PIP4P2: variants seen among roughly 807,000 people sequenced by gnomAD.
PIP4P2 encodes the protein type 2 phosphatidylinositol 4,5-bisphosphate 4-phosphatase.
A neutral mutation model predicts 33.3 loss-of-function variants in PIP4P2; 19 were observed. That is an observed-to-expected ratio of 0.57 (90% CI 0.40 to 0.84). The LOEUF (loss-of-function observed/expected upper bound fraction) is 0.84. Ranked by LOEUF, PIP4P2 falls within the 40% of genes least tolerant of loss-of-function variation. PIP4P2 has a pLI of 0.00. For synonymous variants in PIP4P2, 110 were observed against 111.9 expected (o/e 0.98, Z 0.11); for missense variants, 270 against 324.7 (o/e 0.83, Z 1.29).
chr8:91,008,181 G>A (rs772351354), intron 5 of PIP4P2, among the ~76,000 whole-genome samples: 23 of 151,776 alleles, frequency 1.5e-4, no homozygotes, highest in Non-Finnish European at 3.1e-4. Flanking sequence ...CCCCAACACA[G>A]ATGCTATAAA....
chr8:91,036,451 C>T (rs1404532303), intron 1 of PIP4P2, among the ~76,000 whole-genome samples: 2 of 152,118 alleles, frequency 1.3e-5, no homozygotes, highest in Non-Finnish European at 2.9e-5. Flanking sequence ...GTTGCATAGC[C>T]AGAATTCTAG....
At chr8:91,013,348 G>A (rs1432298277) in intron 4 of PIP4P2, among the ~76,000 whole-genome samples, 2 of 152,112 alleles carry the variant, frequency 1.3e-5, no homozygotes, top group Non-Finnish European at 2.9e-5. Flanking sequence ...AGCTGTAGAA[G>A]GGAGATCTCC....
In PIP4P2 at chr8:90,996,637, C is replaced by T; in HGVS notation, c.630+17G>A. ...AGTTGAGAGGACAGAATTCTAACAT[C>T]AAAGTGTAACACTCACAGTTAACCC... is the stretch of plus-strand genomic sequence containing the variant. On this transcript the variant is annotated intron_variant, in intron 6 of 6. Transcript: ENST00000285419. 1 of 1,592,246 alleles carries T rather than the reference C, an allele frequency of 6.3e-7. No homozygotes were observed. The highest frequency in any genetic ancestry group is 8.6e-7 in the Non-Finnish European group (1 of 1,167,036).
chr8:91,010,936 C>A (rs1811827572), intron 4 of PIP4P2, among the ~76,000 whole-genome samples: 1 of 127,812 alleles, frequency 7.8e-6, no homozygotes, highest in Admixed American at 8.7e-5. Context: ...ATATATTTTG[C>A]AACTAATCTT....
At chr8:91,008,862 T>A (rs1811795129) in intron 4 of PIP4P2, 67 bp from the exon 5 acceptor site, 1 of 1,356,754 alleles carries the variant, frequency 7.4e-7, no homozygotes, top group Admixed American at 1.8e-5. Flanking sequence ...TGATAAGACA[T>A]TTCTTTTACT....
chr8:91,027,037 C>T (rs530450293), intron 1 of PIP4P2, among the ~76,000 whole-genome samples: 1 of 152,240 alleles, frequency 6.6e-6, no homozygotes, highest in East Asian at 1.9e-4. Context: ...GGTTAGAGAA[C>T]CAGGGAATGT....
intron 3 of PIP4P2, 141 bp downstream of exon 3, chr8:91,020,016 A>T: frequency 1.3e-6 from 1 of 748,160 alleles, no homozygotes; most frequent in Non-Finnish European, 2.1e-6. Flanking sequence ...TCATTCCTTT[A>T]ACAAAAAAAT....
In PIP4P2 at chr8:90,994,818, A is replaced by G. The variant is rs1489823950; in HGVS notation, c.*859T>C. 2.0e-5 allele frequency: 3 copies of G among 152,134 alleles called. No homozygotes were observed. Among genetic ancestry groups the G allele is most frequent in the African/African-American group, 7.2e-5 (3 of 41,464 alleles). 9.4% of individuals were successfully genotyped at this position (152,134 alleles called of 1,614,324 possible). ...AAGGGAAAGGGGCACAACCCAATGT[A>G]AATATATCTTTGGATAAATGGTTAA... On this transcript the variant is annotated 3_prime_UTR_variant, in exon 7 of 7. Transcript: ENST00000285419.
chr8:91,014,758 GACACACACACACACACACAC>G lies in PIP4P2; in HGVS notation c.486+3612_486+3631del, dbSNP rs142952434. 2.8e-5 allele frequency among the ~76,000 whole-genome samples: 4 copies of G among 142,652 alleles called. No individual in the cohort carries two copies. In the East Asian group the frequency reaches 8.3e-4, roughly 30 times the overall value. 93.6% of individuals were successfully genotyped at this position (142,652 alleles called of 152,430 possible). ...AGATCTTTAGTATTCTTACCACAAAGACACACACACACACACACACACACACACACACACACACGATAACT... is the reference window on the plus strand; with the variant it reads ...AGATCTTTAGTATTCTTACCACAAAGACACACACACACACACACGATAACT... On this transcript the variant is annotated intron_variant, in intron 4 of 6. Coordinates refer to ENST00000285419, the MANE Select transcript of PIP4P2 (RefSeq NM_018710.3).
At chr8:91,029,817 A>G (rs572980429) in intron 1 of PIP4P2, among the ~76,000 whole-genome samples, 122 of 152,192 alleles carry the variant, frequency 8.0e-4, no homozygotes, top group Non-Finnish European at 1.4e-3. Flanking sequence ...AATACAAAGA[A>G]TTAGCCGGGC....
rs1811612335 is a variant in PIP4P2 at position 90,995,236 on chromosome 8, A to G, written c.*441T>C. 1 of 152,546 alleles carries G rather than the reference A, an allele frequency of 6.6e-6. No individual in the cohort carries two copies. The highest frequency in any genetic ancestry group is 1.5e-5 in the Non-Finnish European group (1 of 68,018). The allele number at this position is 152,546 out of a possible 1,614,324, so 9.4% of individuals were successfully genotyped here. A position where few individuals can be genotyped will look rare whatever the true frequency, so the allele number is the denominator to read the frequency against. On this transcript the variant is annotated 3_prime_UTR_variant, in exon 7 of 7. Coordinates refer to ENST00000285419, the MANE Select transcript of PIP4P2 (RefSeq NM_018710.3). ...TAAAGTTACAGTAAGCAGTTCAAGC[A>G]AAATGCATATTGCTTAGGTTTTAAG...
intron 4 of PIP4P2, among the ~76,000 whole-genome samples, chr8:91,013,644 C>T (rs761187907): frequency 6.6e-6 from 1 of 152,112 alleles, no homozygotes; most frequent in Non-Finnish European, 1.5e-5. Flanking sequence ...AGGTAATCCT[C>T]CCACCTCAAT....
chr8:91,008,116 T>C (rs952222138), intron 5 of PIP4P2, among the ~76,000 whole-genome samples: 1 of 152,200 alleles, frequency 6.6e-6, no homozygotes, highest in Admixed American at 6.5e-5. Flanking sequence ...CAACTATATA[T>C]TAATTTCTAT....
rs1308099355 is a variant in PIP4P2 at position 91,020,248 on chromosome 8, G to A, written c.271C>T (p.Pro91Ser). The A allele has an allele frequency of 1.2e-6, 2 of 1,613,658 alleles. No homozygotes were observed. The highest frequency in any genetic ancestry group is 1.3e-5 in the African/African-American group (1 of 75,004). Residue 91 changes from proline to serine, a missense_variant, in exon 3 of 7, where the codon CCA becomes TCA. Pro to Ser is a moderately conservative substitution (Grantham distance 74, BLOSUM62 -1). Coordinates refer to ENST00000285419, the MANE Select transcript of PIP4P2 (RefSeq NM_018710.3). ...CNEATPIKNP[P>S]TGKKYVRCPC... ...CATCTAACATATTTCTTGCCTGTTG[G>A]GGGGTTTTTGATTGGCTGGATAAGG...
intron 5 of PIP4P2, among the ~76,000 whole-genome samples, chr8:90,998,039 C>T (rs534754543): frequency 5.3e-5 from 8 of 152,136 alleles, no homozygotes; most frequent in Admixed American, 2.6e-4. Flanking sequence ...GTTACTAGGG[C>T]ATGCAGGATT....
intron 1 of PIP4P2, among the ~76,000 whole-genome samples, chr8:91,022,131 AC>A (rs1465121461): frequency 6.6e-6 from 1 of 152,124 alleles, no homozygotes; most frequent in Non-Finnish European, 1.5e-5. Context: ...AACTTCAAAA[AC>A]CATAACAACA....
intron 5 of PIP4P2, among the ~76,000 whole-genome samples, chr8:91,006,970 A>G (rs1811772748): frequency 6.6e-6 from 1 of 152,054 alleles, no homozygotes; most frequent in Non-Finnish European, 1.5e-5. Context: ...CTCTGTCTCA[A>G]AAAAAAAGAA....
intron 5 of PIP4P2, among the ~76,000 whole-genome samples, chr8:91,005,418 C>T (rs967374871): frequency 6.6e-6 from 1 of 152,118 alleles, no homozygotes; most frequent in Non-Finnish European, 1.5e-5. Flanking sequence ...ATATCACTCC[C>T]TCCTGAAAAC....
At chr8:91,033,437 C>T (rs1200062687) in intron 1 of PIP4P2, among the ~76,000 whole-genome samples, 1 of 152,170 alleles carries the variant, frequency 6.6e-6, no homozygotes, top group Non-Finnish European at 1.5e-5. Context: ...GTTTAAAATA[C>T]ATCCTGACAC....
Sources: allele counts gnomAD v4.1 joint callset (sites outside exome capture counted in the v4.1 genomes callset), GRCh38; gene constraint gnomAD v4.1.1; transcripts MANE v1.5; gene names NCBI Gene and HGNC (gene_info 2026-07-23, HGNC 2026-07-21).